The following RBMS3 variants were observed in gnomAD, a reference collection of about 807,000 sequenced individuals.
RBMS3 encodes the protein RNA binding motif single stranded interacting protein 3.
A neutral mutation model predicts 66.8 loss-of-function variants in RBMS3; 27 were observed. That is an observed-to-expected ratio of 0.40 (90% confidence interval 0.30 to 0.56). The LOEUF (loss-of-function observed/expected upper bound fraction) is 0.56, where lower values mean the gene tolerates loss of function less well. Among genes scored for constraint, RBMS3 ranks in the 20% least tolerant of loss-of-function variants. RBMS3 has a pLI of 0.40. For missense variants in RBMS3, 513 were observed against 549.5 expected, an observed-to-expected ratio of 0.93 and a Z score of 0.66; for synonymous variants, 188 against 183.0, an observed-to-expected ratio of 1.03 and a Z score of -0.22.
chr3:29,354,920 A>T (rs1230018769), intron 1 of RBMS3, among the ~76,000 whole-genome samples: 1 of 152,180 alleles, frequency 6.6e-6, no homozygotes, highest in Non-Finnish European at 1.5e-5. Flanking sequence ...TAACTGTTAA[A>T]AAGACTTCTG....
intron 4 of RBMS3, chr3:29,698,289 G>C (rs757898398): frequency 2.8e-5 from 28 of 985,214 alleles, no homozygotes; most frequent in Non-Finnish European, 3.4e-5. Flanking sequence ...TGTAGTCCCT[G>C]GTGAGGGAGG....
At chr3:29,672,494 A>G (rs540178200) in intron 4 of RBMS3, among the ~76,000 whole-genome samples, 1 of 152,320 alleles carries the variant, frequency 6.6e-6, no homozygotes, top group South Asian at 2.1e-4. Context: ...AGACTTGCAA[A>G]TTGGATAAAG....
rs952406960 is a variant in RBMS3 at position 29,528,383 on chromosome 3, G to A, written c.307+39884G>A. Among the ~76,000 whole-genome samples the A allele has an allele frequency of 5.3e-5, 8 of 151,920 alleles. No homozygotes were observed. In the East Asian group the frequency reaches 1.4e-3, roughly 26 times the overall value. On this transcript the variant is annotated intron_variant, in intron 3 of 14. Transcript: ENST00000383767. The stretch of plus-strand genomic sequence containing the variant: ...CTGCCTTGGCCTACCAAAGTGCTGG[G>A]ATTACAGGCTTGAGCCACTATGCCT...
At chr3:29,355,194 T>C (rs2037146088) in intron 1 of RBMS3, among the ~76,000 whole-genome samples, 2 of 152,118 alleles carry the variant, frequency 1.3e-5, no homozygotes, top group African/African-American at 4.8e-5. Flanking sequence ...TGCCTGTCTT[T>C]CTATCTTGTG....
At chr3:29,334,977 T>C (rs1163802845) in intron 1 of RBMS3, among the ~76,000 whole-genome samples, 2 of 152,218 alleles carry the variant, frequency 1.3e-5, no homozygotes, top group East Asian at 1.9e-4. Context: ...AATGGAAGCA[T>C]TGTTTGATGA....
At chr3:29,643,822 C>A (rs1267745932) in intron 4 of RBMS3, among the ~76,000 whole-genome samples, 1 of 152,074 alleles carries the variant, frequency 6.6e-6, no homozygotes, top group Non-Finnish European at 1.5e-5. Context: ...TTGATCTCGT[C>A]TCATTTCTGT....
chr3:29,470,896 T>C (rs565552553), intron 2 of RBMS3, among the ~76,000 whole-genome samples: 2 of 152,100 alleles, frequency 1.3e-5, no homozygotes, highest in Non-Finnish European at 2.9e-5. Flanking sequence ...AGTGTGTAAA[T>C]TATAAACCAC....
At position 29,301,404 on chromosome 3, in the gene RBMS3, G is replaced by T. The variant is rs59759281; in HGVS notation, c.75+19648G>T. ...TAATTCGTAACTAACAAGAATATTTGAGTGACAAGTCTCAGAAAGTTTAGG... is the reference window on the plus strand; with the variant it reads ...TAATTCGTAACTAACAAGAATATTTTAGTGACAAGTCTCAGAAAGTTTAGG... On this transcript the variant is annotated intron_variant, in intron 1 of 14. Transcript: ENST00000383767. Among the ~76,000 whole-genome samples the T allele has an allele frequency of 7.8e-3, 1,182 of 152,098 alleles. 16 individuals carry two copies. Among genetic ancestry groups the T allele is most frequent in the African/African-American group, 0.027 (1,131 of 41,542 alleles).
intron 1 of RBMS3, among the ~76,000 whole-genome samples, chr3:29,297,345 T>A (rs2033344229): frequency 6.6e-6 from 1 of 151,834 alleles, no homozygotes; most frequent in Non-Finnish European, 1.5e-5. Context: ...AACCATTAAC[T>A]CAAAGAGATT....
chr3:29,901,478 C>T (rs1352498560), intron 10 of RBMS3, among the ~76,000 whole-genome samples: 2 of 151,772 alleles, frequency 1.3e-5, no homozygotes, highest in Non-Finnish European at 2.9e-5. Flanking sequence ...TCAGTACTTC[C>T]AGATCTATTA....
intron 4 of RBMS3, among the ~76,000 whole-genome samples, chr3:29,634,278 TTGTC>T (rs1446345668): frequency 2.0e-5 from 3 of 151,928 alleles, no homozygotes; most frequent in Non-Finnish European, 4.4e-5. Flanking sequence ...CTATGTGCAA[TTGTC>T]TGTGTTAATA....
chr3:29,476,313 T>C (rs1272897281), intron 2 of RBMS3, among the ~76,000 whole-genome samples: 44 of 152,234 alleles, frequency 2.9e-4, no homozygotes, highest in Admixed American at 2.9e-3. Context: ...AAGCCTATTA[T>C]TGAGCTAGAA....
chr3:29,873,144 A>G (rs925455326), intron 7 of RBMS3, among the ~76,000 whole-genome samples: 1 of 152,086 alleles, frequency 6.6e-6, no homozygotes, highest in African/African-American at 2.4e-5. Flanking sequence ...TGTCATTAGT[A>G]GTTTGATAGG....
In RBMS3 at chr3:29,821,585, TA is replaced by T. The variant is rs1475578250; in HGVS notation, c.638-47271del. Among the ~76,000 whole-genome samples the T allele has an allele frequency of 7.9e-5, 12 of 152,200 alleles. 1 individual carries two copies. The highest frequency in any genetic ancestry group is 1.8e-4 in the Non-Finnish European group (12 of 68,042). ...AACTCATGTTTTTGCAATCACAAAC[TA>T]AGCAAACTACCTGTGAGGAACTACA... On this transcript the variant is annotated intron_variant, in intron 6 of 14. Coordinates refer to ENST00000383767, the MANE Select transcript of RBMS3 (RefSeq NM_001003793.3).
intron 12 of RBMS3, among the ~76,000 whole-genome samples, chr3:29,986,716 G>T (rs984476283): frequency 6.6e-6 from 1 of 152,188 alleles, no homozygotes; most frequent in Non-Finnish European, 1.5e-5. Flanking sequence ...GCTGAGGCAG[G>T]TGGATCACTT....
chr3:29,452,996 G>C (rs79278577), intron 2 of RBMS3, among the ~76,000 whole-genome samples: 5,216 of 152,200 alleles, frequency 0.034, 133 homozygotes, highest in African/African-American at 0.063. Flanking sequence ...TGGACGTATA[G>C]AACCTAATAC....
intron 4 of RBMS3, 30 bp downstream of exon 4, chr3:29,587,235 T>TTTTTTG: frequency 1.3e-6 from 1 of 750,114 alleles, no homozygotes; most frequent in Non-Finnish European, 1.8e-6. Context: ...GTGTTTTTTT[T>TTTTTTG]TTTTTTTTTT....
intron 4 of RBMS3, among the ~76,000 whole-genome samples, chr3:29,727,821 C>A (rs904753839): frequency 6.6e-6 from 1 of 152,024 alleles, no homozygotes; most frequent in African/African-American, 2.4e-5. Flanking sequence ...GATCTAGAAC[C>A]AGAAATACCA....
Position 29,691,949 on chromosome 3 carries a change from A to ATTTTTTTTTTTTTTTTTTT in RBMS3, c.400-47753_400-47752insTTTTTTTTTTTTTTTTTTT, listed in dbSNP as rs1294126975. ...GTGACCCTTCTCTCTCTCTCTCTCT[A>ATTTTTTTTTTTTTTTTTTT]TTTTTTTTTTTTTTTTTTGAGATGG... On this transcript the variant is annotated intron_variant, in intron 4 of 14. Transcript: ENST00000383767. 2.8e-3 allele frequency among the ~76,000 whole-genome samples: 181 copies of ATTTTTTTTTTTTTTTTTTT among 64,960 alleles called. 38 individuals carry two copies. Among genetic ancestry groups the ATTTTTTTTTTTTTTTTTTT allele is most frequent in the African/African-American group, 3.4e-3 (55 of 16,342 alleles). 42.6% of individuals were successfully genotyped at this position (64,960 alleles called of 152,430 possible). A position where few individuals can be genotyped will look rare whatever the true frequency, so the allele number is the denominator to read the frequency against.
Sources: allele counts gnomAD v4.1 joint callset (sites outside exome capture counted in the v4.1 genomes callset), GRCh38; gene constraint gnomAD v4.1.1; transcripts MANE v1.5; gene names NCBI Gene and HGNC (gene_info 2026-07-23, HGNC 2026-07-21).